The following EPHB1 variants were observed in gnomAD, a reference collection of about 807,000 sequenced individuals.
EPHB1 encodes the protein EPH receptor B1, also known as ephrin type-B receptor 1.
A neutral mutation model predicts 94.4 loss-of-function variants in EPHB1; 30 were observed. The ratio of observed to expected loss-of-function variants is 0.32; its 90% CI spans 0.24 to 0.43. The LOEUF is 0.43. Ranked by LOEUF, EPHB1 falls within the 20% of genes least tolerant of loss-of-function variation. The pLI is 1.00. For synonymous variants in EPHB1, 522 were observed against 489.1 expected, an observed-to-expected ratio of 1.07 and a Z score of -0.89; for missense variants, 1,055 against 1,308.3, an observed-to-expected ratio of 0.81 and a Z score of 2.99.
At chr3:135,204,107 G>A (rs888980016) in intron 12 of EPHB1, among the ~76,000 whole-genome samples, 6 of 152,152 alleles carry the variant, frequency 3.9e-5, no homozygotes, top group Non-Finnish European at 5.9e-5. Flanking sequence ...TAATCACATC[G>A]TGGAAAATGG....
intron 3 of EPHB1, among the ~76,000 whole-genome samples, chr3:135,057,034 C>A (rs1410027966): frequency 6.6e-6 from 1 of 152,144 alleles, no homozygotes; most frequent in East Asian, 1.9e-4. Flanking sequence ...AGTGAACACC[C>A]CCCTAATAAA....
chr3:135,020,949 C>T (rs1935968300), intron 3 of EPHB1, among the ~76,000 whole-genome samples: 1 of 151,874 alleles, frequency 6.6e-6, no homozygotes, highest in African/African-American at 2.4e-5. Context: ...GTATTTCTAC[C>T]CCATTTGCTG....
At chr3:135,179,566 G>A (rs1297122949) in intron 9 of EPHB1, among the ~76,000 whole-genome samples, 1 of 152,194 alleles carries the variant, frequency 6.6e-6, no homozygotes, top group African/African-American at 2.4e-5. Flanking sequence ...AGCACCCGGT[G>A]TGGGAACTGG....
intron 12 of EPHB1, among the ~76,000 whole-genome samples, chr3:135,215,890 C>G (rs1237936598): frequency 6.6e-6 from 1 of 152,172 alleles, no homozygotes; most frequent in Non-Finnish European, 1.5e-5. Context: ...TCATTGAAAC[C>G]GTTTCAGGGA....
chr3:135,121,603 A>G (rs1249740964), intron 4 of EPHB1, among the ~76,000 whole-genome samples: 1 of 152,066 alleles, frequency 6.6e-6, no homozygotes, highest in East Asian at 1.9e-4. Context: ...TGGTATGGTG[A>G]TCTTTCAGCA....
At position 134,795,322 on chromosome 3, in the gene EPHB1, ACTCGCTCTCGCGCGCTCTCCCAGG is replaced by A; in HGVS notation, c.-305_-282del. On this transcript the variant is annotated 5_prime_UTR_variant, in exon 1 of 16. Coordinates refer to ENST00000398015, the MANE Select transcript of EPHB1 (RefSeq NM_004441.5). ...AGCTAGCAATGTGACACCAGGACGC[ACTCGCTCTCGCGCGCTCTCCCAGG>A]CTCGTTCTCCCTCGCCCTCTCTCTC... 4.3e-6 allele frequency: 2 copies of A among 470,586 alleles called. No homozygotes were observed. The highest frequency in any genetic ancestry group is 6.0e-5 in the South Asian group (2 of 33,560). The allele number at this position is 470,586 out of a possible 1,614,324, so 29.2% of individuals were successfully genotyped here.
intron 1 of EPHB1, among the ~76,000 whole-genome samples, chr3:134,908,028 A>G (rs2038372865): frequency 6.6e-6 from 1 of 152,196 alleles, no homozygotes; most frequent in Non-Finnish European, 1.5e-5. Flanking sequence ...TAGCCAGGCT[A>G]GGGTCTCATT....
chr3:135,212,275 T>C (rs1943049667), intron 12 of EPHB1, among the ~76,000 whole-genome samples: 1 of 152,262 alleles, frequency 6.6e-6, no homozygotes, highest in African/African-American at 2.4e-5. Flanking sequence ...AAATCTTTGA[T>C]AATGTTAACA....
intron 2 of EPHB1, among the ~76,000 whole-genome samples, chr3:134,940,530 C>A (rs1255329579): frequency 6.6e-6 from 1 of 152,180 alleles, no homozygotes; most frequent in Non-Finnish European, 1.5e-5. Flanking sequence ...GCCACACTGG[C>A]ATCTTGGCTT....
rs139142919 is a variant in EPHB1, at chr3:134,983,330, G to A, written c.805+31278G>A. On this transcript the variant is annotated intron_variant, in intron 3 of 15. Transcript: ENST00000398015. ...AATGTGTAAGTGCTTAATTGCATTT[G>A]CTATTTAGCAATTAACCACTTGCAG... Among the ~76,000 whole-genome samples the A allele has an allele frequency of 5.6e-3, 852 of 152,342 alleles. 9 individuals are homozygous for A. Among genetic ancestry groups the A allele is most frequent in the African/African-American group, 0.02 (818 of 41,578 alleles).
chr3:135,109,333 C>G (rs572169723), intron 4 of EPHB1, among the ~76,000 whole-genome samples: 2 of 152,324 alleles, frequency 1.3e-5, no homozygotes, highest in South Asian at 2.1e-4. Context: ...TGGTCTAAAT[C>G]CTTGGTCTAA....
rs1941191424 is a variant in EPHB1, at chr3:135,151,452, T to C, written c.1298-2700T>C. Among the ~76,000 whole-genome samples, 3 of 152,194 alleles carry C rather than the reference T, an allele frequency of 2.0e-5. No individual in the cohort carries two copies. The South Asian group carries it at 6.2e-4, about 32-fold the overall frequency. On this transcript the variant is annotated intron_variant, in intron 5 of 15. Coordinates refer to ENST00000398015, the MANE Select transcript of EPHB1 (RefSeq NM_004441.5). Reference sequence around the variant, plus strand: ...CATCTGCTTCTCAGGCAGCCTTCCCTGATCACACACCTCTCACCTCTGGCA... The same window carrying C: ...CATCTGCTTCTCAGGCAGCCTTCCCCGATCACACACCTCTCACCTCTGGCA...
At chr3:134,855,831 G>T (rs1560265752) in intron 1 of EPHB1, among the ~76,000 whole-genome samples, 2 of 152,150 alleles carry the variant, frequency 1.3e-5, no homozygotes, top group Non-Finnish European at 2.9e-5. Flanking sequence ...CTCAAATGGT[G>T]CCTGGCACTC....
At chr3:135,000,345 A>G (rs1935133573) in intron 3 of EPHB1, among the ~76,000 whole-genome samples, 1 of 152,220 alleles carries the variant, frequency 6.6e-6, no homozygotes, top group Admixed American at 6.5e-5. Flanking sequence ...TGAGAAGGGT[A>G]CATATAGCTC....
intron 12 of EPHB1, among the ~76,000 whole-genome samples, chr3:135,202,950 G>A (rs1369391852): frequency 1.3e-5 from 2 of 152,172 alleles, no homozygotes; most frequent in East Asian, 1.9e-4. Context: ...ATTCTCAATA[G>A]CAAAGACTTG....
intron 3 of EPHB1, among the ~76,000 whole-genome samples, chr3:135,016,902 TC>T (rs1576319149): frequency 6.6e-6 from 1 of 152,170 alleles, no homozygotes; most frequent in East Asian, 1.9e-4. Context: ...CTGCAGAGAT[TC>T]CCAGAGTTCT....
chr3:135,085,526 G>T (rs1423940688), intron 3 of EPHB1, among the ~76,000 whole-genome samples: 2 of 152,364 alleles, frequency 1.3e-5, no homozygotes, highest in East Asian at 1.9e-4. Context: ...AGATTGTAAA[G>T]ATGCCAAGGA....
chr3:135,210,212 G>C (rs1185178322), intron 12 of EPHB1, among the ~76,000 whole-genome samples: 1 of 152,240 alleles, frequency 6.6e-6, no homozygotes, highest in African/African-American at 2.4e-5. Context: ...CAGACTCATT[G>C]AAGTAGAATA....
intron 12 of EPHB1, among the ~76,000 whole-genome samples, chr3:135,203,176 C>A (rs1413210986): frequency 6.6e-6 from 1 of 152,160 alleles, no homozygotes; most frequent in Non-Finnish European, 1.5e-5. Flanking sequence ...AATGAGAACA[C>A]ATGGACACAG....
Sources: gnomAD v4.1 joint callset for allele counts (sites outside exome capture counted in the v4.1 genomes callset) on GRCh38, gnomAD v4.1.1 for gene constraint, MANE v1.5 for transcripts, NCBI Gene and HGNC (gene_info 2026-07-23, HGNC 2026-07-21) for gene names.